RAPGEF1: variants seen among roughly 807,000 people sequenced by gnomAD.
The protein encoded by RAPGEF1 is Rap guanine nucleotide exchange factor 1, also known as CRK SH3-binding GNRP.
RAPGEF1 carries 33 observed loss-of-function variants against 143.3 expected under a neutral mutation model. That is an observed-to-expected ratio of 0.23 (90% CI 0.17 to 0.31). The LOEUF is 0.31. RAPGEF1 is among the 10% of genes least tolerant of loss of function. The pLI, the probability that RAPGEF1 is intolerant of heterozygous loss-of-function variation, is 1.00. For synonymous variants in RAPGEF1, 629 were observed against 676.5 expected (o/e 0.93, Z 1.09); for missense variants, 1,199 against 1,645.4 (o/e 0.73, Z 4.69).
chr9:131,609,598 G>T (rs1381697653), intron 12 of RAPGEF1, among the ~76,000 whole-genome samples: 1 of 152,142 alleles, frequency 6.6e-6, no homozygotes, highest in African/African-American at 2.4e-5. Flanking sequence ...TGGCAGGACA[G>T]GCAGGGAAAA....
intron 22 of RAPGEF1, among the ~76,000 whole-genome samples, chr9:131,586,374 C>T (rs1307295543): frequency 3.7e-5 from 2 of 54,704 alleles, no homozygotes; most frequent in Admixed American, 1.9e-4. Context: ...ACACACACAC[C>T]CACCTGCAGA....
At chr9:131,634,236 T>C (rs548848883) in intron 5 of RAPGEF1, among the ~76,000 whole-genome samples, 5 of 151,228 alleles carry the variant, frequency 3.3e-5, no homozygotes, top group East Asian at 4.0e-4. Flanking sequence ...GCCTGGGCGA[T>C]AGAGTGAGAC....
chr9:131,730,040 A>C (rs1435342983), intron 1 of RAPGEF1, among the ~76,000 whole-genome samples: 1 of 151,828 alleles, frequency 6.6e-6, no homozygotes, highest in Non-Finnish European at 1.5e-5. Context: ...TAAAAATACA[A>C]AAAATTAGCC....
intron 3 of RAPGEF1, among the ~76,000 whole-genome samples, chr9:131,643,748 G>A (rs1968719607): frequency 6.6e-6 from 1 of 152,184 alleles, no homozygotes. Context: ...ACTAGAGTGA[G>A]GACTAATTTG....
At chr9:131,682,319 C>A (rs2130933731) in intron 1 of RAPGEF1, among the ~76,000 whole-genome samples, 1 of 152,344 alleles carries the variant, frequency 6.6e-6, no homozygotes, top group African/African-American at 2.4e-5. Context: ...TCGGGAAACG[C>A]CATGAGGGGC....
chr9:131,643,444 G>A lies in RAPGEF1; in HGVS notation c.316-27C>T, dbSNP rs980484713. The A allele has an allele frequency of 8.2e-6, 13 of 1,586,584 alleles. No individual in the cohort carries two copies. The South Asian group carries it at 1.0e-4, about 13-fold the overall frequency. ...TGAAAGGAGACGTTAGGCATAAGGA[G>A]GAGGAGAGAGATTAAAGGGAGCTAT... On this transcript the variant is annotated intron_variant, in intron 3 of 26. Transcript: ENST00000683357.
chr9:131,682,486 T>G (rs1205615986), intron 1 of RAPGEF1, among the ~76,000 whole-genome samples: 2 of 152,214 alleles, frequency 1.3e-5, no homozygotes, highest in Non-Finnish European at 2.9e-5. Context: ...TGTGGACCCT[T>G]GCCAGTGGGG....
intron 1 of RAPGEF1, among the ~76,000 whole-genome samples, chr9:131,693,715 T>C (rs1042718720): frequency 1.3e-5 from 2 of 152,168 alleles, no homozygotes; most frequent in Non-Finnish European, 2.9e-5. Flanking sequence ...ATTGTTGTAA[T>C]GTTGTCTTTT....
rs1012355942 is a variant in RAPGEF1, at chr9:131,687,565, T to C, written c.62-36616A>G. ...CTGAGCATGTTTTCCTTAGATTTCA[T>C]TGTTTAAAATGCCTCAAGAGTAAGG... On this transcript the variant is annotated intron_variant, in intron 1 of 26. Coordinates refer to ENST00000683357, the MANE Select transcript of RAPGEF1 (RefSeq NM_001377935.1). 2.0e-4 allele frequency among the ~76,000 whole-genome samples: 30 copies of C among 152,182 alleles called. 1 individual carries two copies. Among genetic ancestry groups the C allele is most frequent in the Admixed American group, 2.0e-3 (30 of 15,274 alleles).
rs1244542939 is a variant in RAPGEF1 at position 131,638,801 on chromosome 9, A to G, written c.495-10T>C. 1 of 1,613,006 alleles carries G rather than the reference A, an allele frequency of 6.2e-7. No individual in the cohort carries two copies. Among genetic ancestry groups the G allele is most frequent in the Non-Finnish European group, 8.5e-7 (1 of 1,179,360 alleles). ...GGAAGAGAGGGCTGAGCTACAGGGA[A>G]GAGAAGAATGGAAAAAAAGAAAATC... is the stretch of plus-strand genomic sequence containing the variant. On this transcript the variant is annotated splice_polypyrimidine_tract_variant and intron_variant, in intron 4 of 26. Transcript: ENST00000683357.
intron 14 of RAPGEF1, among the ~76,000 whole-genome samples, chr9:131,602,750 C>G (rs558897163): frequency 6.6e-6 from 1 of 152,238 alleles, no homozygotes; most frequent in Non-Finnish European, 1.5e-5. Context: ...GCTCTCAGGC[C>G]CTGGGGTGCC....
chr9:131,588,732 G>C, intron 20 of RAPGEF1, 69 bp downstream of exon 20: 1 of 1,462,502 alleles, frequency 6.8e-7, no homozygotes, highest in Non-Finnish European at 9.2e-7. Flanking sequence ...GGCTGGCAGG[G>C]AGGGAGGGTA....
chr9:131,649,039 A>G lies in RAPGEF1; in HGVS notation c.315+1090T>C, dbSNP rs557287706. 2.6e-5 allele frequency among the ~76,000 whole-genome samples: 4 copies of G among 151,802 alleles called. No homozygotes were observed. The South Asian group carries it at 8.3e-4, about 32-fold the overall frequency. Reference sequence around the variant, plus strand: ...TACATTGCTAAGTTTAGTTTTATTTATTTATTTTTTGGAGACAGAGTCTCA... The same window carrying G: ...TACATTGCTAAGTTTAGTTTTATTTGTTTATTTTTTGGAGACAGAGTCTCA... On this transcript the variant is annotated intron_variant, in intron 3 of 26. Transcript: ENST00000683357.
intron 15 of RAPGEF1, among the ~76,000 whole-genome samples, chr9:131,599,410 C>T (rs915719549): frequency 1.4e-5 from 2 of 139,908 alleles, no homozygotes; most frequent in East Asian, 2.1e-4. Flanking sequence ...CATGAGCCAC[C>T]GTGCCCAGTC....
At chr9:131,630,182 CAG>C (rs939764011) in intron 6 of RAPGEF1, 52 bp downstream of exon 6, 78 of 1,533,914 alleles carry the variant, frequency 5.1e-5, no homozygotes, top group Non-Finnish European at 1.8e-5. Context: ...TTGTCAAGTG[CAG>C]ACTTTGCCAC....
rs79809517 is a variant in RAPGEF1 at position 131,615,901 on chromosome 9, G to A, written c.2061+3150C>T. On this transcript the variant is annotated intron_variant, in intron 12 of 26. Coordinates refer to ENST00000683357, the MANE Select transcript of RAPGEF1 (RefSeq NM_001377935.1). ...ACAACTCTCATGTCATTCCTCACAC[G>A]TGCTTTCATGTGGTGTGAACTTGTA... is the stretch of plus-strand genomic sequence containing the variant. Among the ~76,000 whole-genome samples, 656 of 152,156 alleles carry A rather than the reference G, an allele frequency of 4.3e-3. 3 individuals are homozygous for A. Among genetic ancestry groups the A allele is most frequent in the Non-Finnish European group, 7.9e-3 (539 of 68,012 alleles).
At chr9:131,684,994 G>A (rs181741765) in intron 1 of RAPGEF1, among the ~76,000 whole-genome samples, 10 of 152,322 alleles carry the variant, frequency 6.6e-5, no homozygotes, top group Non-Finnish European at 1.3e-4. Flanking sequence ...CCTGAGGAAA[G>A]CGGGACAACC....
intron 1 of RAPGEF1, among the ~76,000 whole-genome samples, chr9:131,703,152 G>T (rs534926487): frequency 4.6e-5 from 7 of 152,208 alleles, no homozygotes; most frequent in African/African-American, 1.7e-4. Flanking sequence ...GTGCCACCAC[G>T]CCCAGTTAAT....
chr9:131,629,323 G>A (rs953779947), intron 6 of RAPGEF1, 69 bp from the exon 7 acceptor site: 63 of 1,478,888 alleles, frequency 4.3e-5, no homozygotes, highest in Non-Finnish European at 5.6e-5. Context: ...CAGGCCCTGA[G>A]AGGGTGAGGA....
Sources: allele counts gnomAD v4.1 joint callset (sites outside exome capture counted in the v4.1 genomes callset), GRCh38; gene constraint gnomAD v4.1.1; transcripts MANE v1.5; gene names NCBI Gene and HGNC (gene_info 2026-07-23, HGNC 2026-07-21).